CACNA2D3: variants seen among roughly 807,000 people sequenced by gnomAD.
CACNA2D3 encodes the protein calcium voltage-gated channel auxiliary subunit alpha2delta 3.
Under a neutral mutation model 160.6 loss-of-function variants are expected in CACNA2D3, and 60 were observed. The ratio of observed to expected loss-of-function variants is 0.37; its 90% confidence interval spans 0.30 to 0.46. The LOEUF (loss-of-function observed/expected upper bound fraction) is 0.46. Among genes scored for constraint, CACNA2D3 ranks in the 20% least tolerant of loss-of-function variants. CACNA2D3 has a pLI of 1.00. For synonymous variants in CACNA2D3, 558 were observed against 492.9 expected (o/e 1.13, Z -1.75); for missense variants, 1,205 against 1,365.0 (o/e 0.88, Z 1.85).
chr3:54,617,662 C>A (rs1299189996), intron 9 of CACNA2D3, among the ~76,000 whole-genome samples: 2 of 152,132 alleles, frequency 1.3e-5, no homozygotes, highest in Non-Finnish European at 2.9e-5. Flanking sequence ...TGTTATGTAT[C>A]CAAAATTCAA....
At chr3:54,887,889 G>A in intron 23 of CACNA2D3, 70 bp from the exon 24 acceptor site, 2 of 1,130,028 alleles carry the variant, frequency 1.8e-6, no homozygotes, top group African/African-American at 1.5e-5. Flanking sequence ...TGCACAATGA[G>A]CCCATGAGTG....
chr3:54,291,044 A>T (rs113187153), intron 2 of CACNA2D3, among the ~76,000 whole-genome samples: 2,151 of 152,236 alleles, frequency 0.014, 42 homozygotes, highest in East Asian at 0.063. Context: ...GTACCCTAAA[A>T]CTTAAAGTAT....
At chr3:54,350,975 TTTTTTTGTTTG>T (rs1199963848) in intron 3 of CACNA2D3, among the ~76,000 whole-genome samples, 2,637 of 48,166 alleles carry the variant, frequency 0.055, 589 homozygotes, top group African/African-American at 0.15. Context: ...TCTGTTTTTT[TTTTTTTGTTTG>T]TTTTTTTTTT....
chr3:54,674,488 G>T (rs1015632794), intron 11 of CACNA2D3, among the ~76,000 whole-genome samples: 1 of 152,158 alleles, frequency 6.6e-6, no homozygotes, highest in Non-Finnish European at 1.5e-5. Context: ...GTGGGGAGGA[G>T]CCCCTGGAGA....
chr3:54,476,313 G>C (rs1700830670), intron 4 of CACNA2D3, among the ~76,000 whole-genome samples: 1 of 151,130 alleles, frequency 6.6e-6, no homozygotes, highest in South Asian at 2.1e-4. Flanking sequence ...ACCTGCCAAT[G>C]CACATTTAGG....
intron 27 of CACNA2D3, among the ~76,000 whole-genome samples, chr3:54,941,069 C>G (rs1209448887): frequency 2.0e-5 from 3 of 152,176 alleles, no homozygotes; most frequent in African/African-American, 7.2e-5. Context: ...AAATCAAACA[C>G]TGGACTAGGG....
chr3:54,302,082 GGT>G (rs1703489837), intron 2 of CACNA2D3, among the ~76,000 whole-genome samples: 1 of 152,102 alleles, frequency 6.6e-6, no homozygotes, highest in African/African-American at 2.4e-5. Context: ...AGTTAGCATT[GGT>G]GTGTAACAGC....
At chr3:54,618,374 T>TATATATATATAC in intron 9 of CACNA2D3, among the ~76,000 whole-genome samples, 1 of 54,578 alleles carries the variant, frequency 1.8e-5, no homozygotes, top group Non-Finnish European at 3.1e-5. Context: ...TATATATATA[T>TATATATATATAC]GCACACACAC....
chr3:54,391,009 AT>A (rs67141623), intron 4 of CACNA2D3, among the ~76,000 whole-genome samples: 15,290 of 151,444 alleles, frequency 0.1, 887 homozygotes, highest in East Asian at 0.17. Context: ...ATACTGAAAA[AT>A]AAAAAGTGAT....
intron 3 of CACNA2D3, among the ~76,000 whole-genome samples, chr3:54,344,189 G>A (rs1194008045): frequency 6.6e-6 from 1 of 152,154 alleles, no homozygotes; most frequent in Non-Finnish European, 1.5e-5. Flanking sequence ...GGTTCCCGCA[G>A]CCTCTCTCTC....
At chr3:54,784,235 G>C (rs1276801343) in intron 13 of CACNA2D3, among the ~76,000 whole-genome samples, 3 of 152,198 alleles carry the variant, frequency 2.0e-5, no homozygotes, top group Non-Finnish European at 4.4e-5. Context: ...ACCTCTGAAC[G>C]GAAGCAAGTT....
intron 2 of CACNA2D3, among the ~76,000 whole-genome samples, chr3:54,316,723 G>A (rs1310228946): frequency 6.6e-6 from 1 of 152,156 alleles, no homozygotes; most frequent in African/African-American, 2.4e-5. Flanking sequence ...CGTAAAGCCA[G>A]GGGCTTCTGT....
chr3:54,740,662 A>G (rs1216026269), intron 11 of CACNA2D3, among the ~76,000 whole-genome samples: 1 of 152,288 alleles, frequency 6.6e-6, no homozygotes, highest in South Asian at 2.1e-4. Flanking sequence ...GTCCTCAGCA[A>G]TATCCTTCCA....
At chr3:54,320,940 C>T (rs75787579) in intron 3 of CACNA2D3, among the ~76,000 whole-genome samples, 1,945 of 152,304 alleles carry the variant, frequency 0.013, 28 homozygotes, top group South Asian at 0.044. Context: ...TTGTGATTTT[C>T]TCAAATGGTT....
chr3:54,243,806 C>T (rs551526019), intron 2 of CACNA2D3, among the ~76,000 whole-genome samples: 34 of 152,294 alleles, frequency 2.2e-4, no homozygotes, highest in African/African-American at 7.9e-4. Flanking sequence ...TTCAGACAAG[C>T]CACGGATCCC....
At chr3:54,863,703 G>A (rs1030598729) in intron 17 of CACNA2D3, among the ~76,000 whole-genome samples, 5 of 141,208 alleles carry the variant, frequency 3.5e-5, no homozygotes, top group African/African-American at 1.3e-4. Context: ...AAAGCAGCCT[G>A]TTAATTGTTG....
intron 11 of CACNA2D3, among the ~76,000 whole-genome samples, chr3:54,705,451 G>T (rs778805487): frequency 2.6e-5 from 4 of 152,320 alleles, no homozygotes; most frequent in African/African-American, 7.2e-5. Context: ...TAACATGCCA[G>T]TGCTGCAATT....
intron 2 of CACNA2D3, among the ~76,000 whole-genome samples, chr3:54,139,357 C>T (rs1394095518): frequency 6.6e-6 from 1 of 152,260 alleles, no homozygotes; most frequent in Non-Finnish European, 1.5e-5. Context: ...CCAGCAGGCT[C>T]AGCAGACTCA....
chr3:54,136,647 C>T (rs188376526), intron 2 of CACNA2D3, among the ~76,000 whole-genome samples: 369 of 152,344 alleles, frequency 2.4e-3, no homozygotes, highest in Admixed American at 5.7e-3. Context: ...GGCTGTGTCA[C>T]GCCTCTGTGC....
Sources: gnomAD v4.1 joint callset for allele counts (sites outside exome capture counted in the v4.1 genomes callset) on GRCh38, gnomAD v4.1.1 for gene constraint, MANE v1.5 for transcripts, NCBI Gene and HGNC (gene_info 2026-07-23, HGNC 2026-07-21) for gene names.